The following TRPV3 variants were observed in gnomAD, a reference collection of about 807,000 sequenced individuals.
The protein encoded by TRPV3 is transient receptor potential cation channel subfamily V member 3.
TRPV3 carries 88 observed loss-of-function variants against 87.1 expected under a neutral mutation model. The ratio of observed to expected loss-of-function variants is 1.01; its 90% confidence interval spans 0.85 to 1.21. The LOEUF (loss-of-function observed/expected upper bound fraction) is 1.21. TRPV3 is among the 50% of genes most tolerant of loss of function. The pLI is 0.00. For missense variants in TRPV3, 1,054 were observed against 1,030.1 expected, an observed-to-expected ratio of 1.02 and a Z score of -0.32; for synonymous variants, 438 against 423.3, an observed-to-expected ratio of 1.03 and a Z score of -0.43.
intron 7 of TRPV3, 149 bp from the exon 8 acceptor site, chr17:3,533,086 G>C: frequency 1.1e-6 from 1 of 949,530 alleles, no homozygotes; most frequent in South Asian, 1.7e-5. Flanking sequence ...CTACGGGGAA[G>C]AGTGAAGCTA....
At chr17:3,524,719 C>T (rs1389981454) in intron 12 of TRPV3, among the ~76,000 whole-genome samples, 1 of 151,578 alleles carries the variant, frequency 6.6e-6, no homozygotes, top group Non-Finnish European at 1.5e-5. Context: ...CGCCTGTAAT[C>T]CCAACACTTT....
chr17:3,520,866 T>C (rs924470657), intron 14 of TRPV3, 107 bp downstream of exon 14: 1 of 596,948 alleles, frequency 1.7e-6, no homozygotes, highest in Admixed American at 2.8e-5. Context: ...AGTGCCCCAC[T>C]GGTAGTTGGT....
intron 14 of TRPV3, among the ~76,000 whole-genome samples, chr17:3,519,878 A>C (rs913852480): frequency 7.2e-6 from 1 of 138,118 alleles, no homozygotes; most frequent in Non-Finnish European, 1.6e-5. Flanking sequence ...GGATGGATGG[A>C]TGGATGGATG....
intron 6 of TRPV3, among the ~76,000 whole-genome samples, chr17:3,538,164 C>T (rs1427158836): frequency 6.6e-6 from 1 of 151,544 alleles, no homozygotes; most frequent in Non-Finnish European, 1.5e-5. Context: ...GCACTCCAGC[C>T]TGGGCAATAG....
chr17:3,555,607 A>T (rs550209246), intron 1 of TRPV3, among the ~76,000 whole-genome samples: 292 of 152,068 alleles, frequency 1.9e-3, no homozygotes, highest in Non-Finnish European at 3.4e-3. Context: ...TGCTTTACTG[A>T]TGCTCAATGT....
At chr17:3,515,553 G>C (rs187113925) in intron 16 of TRPV3, among the ~76,000 whole-genome samples, 1 of 151,920 alleles carries the variant, frequency 6.6e-6, no homozygotes, top group African/African-American at 2.4e-5. Context: ...CCCAGCTACC[G>C]GGGAGGCTGA....
At chr17:3,533,061 C>A in intron 7 of TRPV3, 124 bp from the exon 8 acceptor site, 2 of 1,108,504 alleles carry the variant, frequency 1.8e-6, no homozygotes. Context: ...CTAGCCCTCT[C>A]CCCATCTTCC....
intron 2 of TRPV3, 116 bp downstream of exon 2, chr17:3,554,616 G>A (rs576177060): frequency 6.6e-4 from 487 of 734,234 alleles, no homozygotes; most frequent in African/African-American, 4.7e-3. Flanking sequence ...GGGCCACCCC[G>A]GGCGAGACTG....
intron 8 of TRPV3, among the ~76,000 whole-genome samples, chr17:3,531,524 G>A (rs1007005203): frequency 2.0e-5 from 3 of 152,196 alleles, no homozygotes; most frequent in East Asian, 1.9e-4. Flanking sequence ...CGGGAGACAG[G>A]TGCCTCCCCC....
intron 7 of TRPV3, among the ~76,000 whole-genome samples, chr17:3,534,420 C>G (rs1013415964): frequency 1.3e-5 from 2 of 152,002 alleles, no homozygotes; most frequent in Non-Finnish European, 2.9e-5. Flanking sequence ...AAAAATAACA[C>G]CCAGAAGAGA....
intron 15 of TRPV3, 79 bp from the exon 16 acceptor site, chr17:3,516,648 C>T: frequency 1.0e-6 from 1 of 968,216 alleles, no homozygotes; most frequent in Non-Finnish European, 1.7e-6. Context: ...GTCGGGGAGC[C>T]CACTCCACCC....
chr17:3,535,273 T>TCCCTCTCCCTCCC (rs2074395229), intron 7 of TRPV3, among the ~76,000 whole-genome samples: 1 of 92,386 alleles, frequency 1.1e-5, no homozygotes, highest in Non-Finnish European at 2.2e-5. Flanking sequence ...CTCTCCCTCC[T>TCCCTCTCCCTCCC]CCCTCCTCCC....
chr17:3,521,516 G>A (rs972348290), intron 13 of TRPV3, among the ~76,000 whole-genome samples: 1 of 152,160 alleles, frequency 6.6e-6, no homozygotes, highest in Non-Finnish European at 1.5e-5. Context: ...TTGTGTACTA[G>A]AAATTTGCTA....
At chr17:3,522,496 T>C (rs2074256307) in intron 13 of TRPV3, among the ~76,000 whole-genome samples, 1 of 152,186 alleles carries the variant, frequency 6.6e-6, no homozygotes, top group South Asian at 2.1e-4. Flanking sequence ...GCCTAATTGA[T>C]AAAATAAATT....
At chr17:3,554,972 A>C in intron 1 of TRPV3, 120 bp from the exon 2 acceptor site, 2 of 609,928 alleles carry the variant, frequency 3.3e-6, no homozygotes, top group South Asian at 2.0e-5. Context: ...CTGGAAGCTC[A>C]CTCCTCCCTT....
At chr17:3,535,810 G>C in intron 6 of TRPV3, 97 bp from the exon 7 acceptor site, 1 of 1,332,252 alleles carries the variant, frequency 7.5e-7, no homozygotes, top group Non-Finnish European at 9.7e-7. Context: ...GAACCCACGG[G>C]GAGATCAGAA....
chr17:3,556,070 G>C lies in TRPV3; in HGVS notation c.-2-1218C>G, dbSNP rs548938611. Among the ~76,000 whole-genome samples the C allele has an allele frequency of 1.3e-5, 2 of 152,028 alleles. No homozygotes were observed. Among genetic ancestry groups the C allele is most frequent in the Non-Finnish European group, 2.9e-5 (2 of 67,988 alleles). ...TACATGCCTGTAGTCCCAGCTAGTC[G>C]GGAGGCTGAGGCAGGAGAATCACTT... On this transcript the variant is annotated intron_variant, in intron 1 of 17. Coordinates refer to ENST00000576742, the MANE Select transcript of TRPV3 (RefSeq NM_145068.4). This position sits in a 1 kb window ranked among gnomAD's most constrained non-coding sequence, Gnocchi z 4.2.
At chr17:3,519,580 AAATGGATGAATGGATGGATGACTG>A (rs2074219939) in intron 14 of TRPV3, among the ~76,000 whole-genome samples, 2 of 95,402 alleles carry the variant, frequency 2.1e-5, no homozygotes, top group African/African-American at 9.2e-5. Context: ...ATGGATGATT[AAATGGATGAATGGATGGATGACTG>A]GATGGATGGA....
intron 12 of TRPV3, among the ~76,000 whole-genome samples, chr17:3,526,492 A>ACC (rs1567634548): frequency 2.0e-5 from 3 of 151,898 alleles, no homozygotes; most frequent in African/African-American, 7.3e-5. Context: ...TAAAAAAAAA[A>ACC]AACAACAACG....
Sources: allele counts gnomAD v4.1 joint callset (sites outside exome capture counted in the v4.1 genomes callset), GRCh38; gene constraint gnomAD v4.1.1; non-coding constraint Gnocchi (gnomAD v3.1); transcripts MANE v1.5; gene names NCBI Gene and HGNC (gene_info 2026-07-23, HGNC 2026-07-21).